The following PTPRD variants were observed in gnomAD, a reference collection of about 807,000 sequenced individuals.
The protein encoded by PTPRD is protein tyrosine phosphatase receptor type D.
A neutral mutation model predicts 214.5 loss-of-function variants in PTPRD; 34 were observed. The ratio of observed to expected loss-of-function variants is 0.16; its 90% CI spans 0.12 to 0.21. PTPRD has a LOEUF of 0.21. Among genes scored for constraint, PTPRD ranks in the 10% least tolerant of loss-of-function variants. The pLI, the probability that PTPRD is intolerant of heterozygous loss-of-function variation, is 1.00. For synonymous variants in PTPRD, 1,128 were observed against 845.7 expected (o/e 1.33, Z -5.79); for missense variants, 2,545 against 2,398.7 (o/e 1.06, Z -1.27).
intron 2 of PTPRD, among the ~76,000 whole-genome samples, chr9:10,385,293 T>C (rs1445871931): frequency 1.3e-5 from 2 of 151,794 alleles, no homozygotes; most frequent in African/African-American, 4.8e-5. Flanking sequence ...GTGTCTTATC[T>C]CTCCCACTAA....
At chr9:9,285,766 C>T (rs888133544) in intron 9 of PTPRD, among the ~76,000 whole-genome samples, 6 of 151,764 alleles carry the variant, frequency 4.0e-5, no homozygotes, top group Non-Finnish European at 8.8e-5. Context: ...CTTTGATCCT[C>T]ATTTGTTTCT....
At chr9:8,952,060 T>C (rs900821672) in intron 11 of PTPRD, among the ~76,000 whole-genome samples, 1 of 152,028 alleles carries the variant, frequency 6.6e-6, no homozygotes, top group Non-Finnish European at 1.5e-5. Flanking sequence ...CTTCCCTTAC[T>C]TGACTATAAC....
At chr9:8,768,617 C>A (rs1026073851) in intron 11 of PTPRD, among the ~76,000 whole-genome samples, 1 of 152,002 alleles carries the variant, frequency 6.6e-6, no homozygotes, top group Admixed American at 6.6e-5. Flanking sequence ...TACAAAATGA[C>A]ACCCAGCTAA....
Position 10,361,624 on chromosome 9 carries a change from A to T in PTPRD, c.-599-20607T>A, listed in dbSNP as rs144469653. Among the ~76,000 whole-genome samples the T allele has an allele frequency of 2.4e-3, 361 of 152,262 alleles. 2 individuals are homozygous for T. Among genetic ancestry groups the T allele is most frequent in the African/African-American group, 7.8e-3 (323 of 41,562 alleles). On this transcript the variant is annotated intron_variant, in intron 2 of 45. Transcript: ENST00000381196. ...AAAGAATCTGAATTAATTGATACCC[A>T]TTTCTACTTGGAAAAGAAACAAAAT...
chr9:8,446,518 G>T (rs72692916), intron 34 of PTPRD, among the ~76,000 whole-genome samples: 4,887 of 152,190 alleles, frequency 0.032, 117 homozygotes, highest in South Asian at 0.09. Context: ...AAATCAATTT[G>T]CCTTTGGGAA....
At chr9:8,471,145 C>G in intron 30 of PTPRD, 60 bp from the exon 31 acceptor site, 1 of 1,412,422 alleles carries the variant, frequency 7.1e-7, no homozygotes. Flanking sequence ...CGTGGATATA[C>G]CCTTAAACCT....
At chr9:10,416,564 A>G (rs2098491236) in intron 2 of PTPRD, among the ~76,000 whole-genome samples, 1 of 151,940 alleles carries the variant, frequency 6.6e-6, no homozygotes, top group Non-Finnish European at 1.5e-5. Context: ...GAAAAAGAAC[A>G]GCTTATGAGA....
intron 37 of PTPRD, among the ~76,000 whole-genome samples, chr9:8,380,838 C>T (rs556071386): frequency 8.5e-5 from 13 of 152,118 alleles, no homozygotes; most frequent in East Asian, 1.9e-4. Flanking sequence ...ACTTAATGAG[C>T]GGTAGCCAAC....
chr9:10,540,389 AAG>A, intron 2 of PTPRD, among the ~76,000 whole-genome samples: 1 of 152,218 alleles, frequency 6.6e-6, no homozygotes, highest in East Asian at 1.9e-4. Flanking sequence ...ATCAGTCCTA[AAG>A]TCCATTACCC....
intron 11 of PTPRD, among the ~76,000 whole-genome samples, chr9:9,016,425 C>T (rs2099535469): frequency 6.6e-6 from 1 of 151,950 alleles, no homozygotes; most frequent in African/African-American, 2.4e-5. Flanking sequence ...GAGAATCATC[C>T]AAAAATGGGG....
At chr9:10,601,051 G>A (rs1346962338) in intron 2 of PTPRD, among the ~76,000 whole-genome samples, 1 of 151,646 alleles carries the variant, frequency 6.6e-6, no homozygotes, top group African/African-American at 2.4e-5. Context: ...AGATGAAAAG[G>A]TAGTTTGCAA....
intron 2 of PTPRD, among the ~76,000 whole-genome samples, chr9:10,405,699 G>C (rs543000200): frequency 1.3e-4 from 19 of 151,586 alleles, no homozygotes; most frequent in African/African-American, 4.6e-4. Context: ...AATAAATACA[G>C]TTAAATGGAA....
At chr9:8,436,197 C>T (rs1475686203) in intron 35 of PTPRD, among the ~76,000 whole-genome samples, 1 of 151,006 alleles carries the variant, frequency 6.6e-6, no homozygotes, top group Non-Finnish European at 1.5e-5. Context: ...CAATGGAGGG[C>T]TGGCAAAAGG....
At chr9:8,807,440 C>G (rs2096709695) in intron 11 of PTPRD, among the ~76,000 whole-genome samples, 1 of 152,136 alleles carries the variant, frequency 6.6e-6, no homozygotes, top group Non-Finnish European at 1.5e-5. Flanking sequence ...AACCACTGCA[C>G]CTACCTACCC....
intron 7 of PTPRD, among the ~76,000 whole-genome samples, chr9:9,686,871 T>A (rs2097175044): frequency 6.6e-6 from 1 of 151,768 alleles, no homozygotes; most frequent in African/African-American, 2.4e-5. Flanking sequence ...AGAGCAATGA[T>A]TCTTAGTCAA....
At chr9:8,347,894 T>C (rs1042642780) in intron 39 of PTPRD, among the ~76,000 whole-genome samples, 3 of 152,176 alleles carry the variant, frequency 2.0e-5, no homozygotes, top group Non-Finnish European at 4.4e-5. Context: ...ACTTCCAGCA[T>C]CCTGAATGGT....
chr9:10,037,269 AGGTGGGGCCTGGTGGG>A (rs2097201806), intron 3 of PTPRD, among the ~76,000 whole-genome samples: 1 of 152,028 alleles, frequency 6.6e-6, no homozygotes, highest in Non-Finnish European at 1.5e-5. Context: ...TCAATGTTGG[AGGTGGGGCCTGGTGGG>A]AGGTGATTGT....
At chr9:8,735,172 C>A (rs1444664495) in intron 11 of PTPRD, among the ~76,000 whole-genome samples, 3 of 127,470 alleles carry the variant, frequency 2.4e-5, no homozygotes, top group East Asian at 4.7e-4. Context: ...TTGAGACAGT[C>A]TCACTCTGTC....
intron 3 of PTPRD, among the ~76,000 whole-genome samples, chr9:10,133,455 T>A (rs756698062): frequency 1.4e-4 from 21 of 152,054 alleles, no homozygotes; most frequent in Non-Finnish European, 2.6e-4. Flanking sequence ...CATATATGAA[T>A]ATAATACAAG....
Sources: allele counts gnomAD v4.1 joint callset (sites outside exome capture counted in the v4.1 genomes callset), GRCh38; gene constraint gnomAD v4.1.1; transcripts MANE v1.5; gene names NCBI Gene and HGNC (gene_info 2026-07-23, HGNC 2026-07-21).